Variants in FIBCD1 observed in about 807,000 individuals in gnomAD.
FIBCD1 encodes the protein fibrinogen C domain-containing protein 1.
FIBCD1 carries 47 observed loss-of-function variants against 45.1 expected under a neutral mutation model. That is an observed-to-expected ratio of 1.04 (90% CI 0.82 to 1.33). FIBCD1 has a LOEUF of 1.33. FIBCD1 is among the 40% of genes most tolerant of loss of function. The pLI, the probability that FIBCD1 is intolerant of heterozygous loss-of-function variation, is 0.00. For missense variants in FIBCD1, 653 were observed against 682.2 expected (o/e 0.96, Z 0.48); for synonymous variants, 313 against 308.1 (o/e 1.02, Z -0.17).
intron 4 of FIBCD1, among the ~76,000 whole-genome samples, chr9:130,923,499 C>A (rs930362314): frequency 6.6e-6 from 1 of 152,168 alleles, no homozygotes; most frequent in African/African-American, 2.4e-5. Flanking sequence ...TCTCAGGGAG[C>A]CCAAGGTGGC....
chr9:130,917,425 A>G (rs1177681487), intron 4 of FIBCD1, among the ~76,000 whole-genome samples: 1 of 152,210 alleles, frequency 6.6e-6, no homozygotes, highest in Admixed American at 6.5e-5. Flanking sequence ...GGGCGGGTTC[A>G]AAGGAAGGAG....
At chr9:130,905,538 T>A in intron 5 of FIBCD1, 125 bp from the exon 6 acceptor site, 3 of 993,220 alleles carry the variant, frequency 3.0e-6, no homozygotes, top group Non-Finnish European at 2.9e-6. Flanking sequence ...ACCAAGTGCG[T>A]GCAATCAGCC....
chr9:130,915,394 A>G (rs1048863134), intron 4 of FIBCD1, among the ~76,000 whole-genome samples: 1 of 152,200 alleles, frequency 6.6e-6, no homozygotes, highest in African/African-American at 2.4e-5. Context: ...AGCCCGAATC[A>G]ACGCCCACTT....
At chr9:130,907,222 AGCG>A (rs1831944293) in intron 5 of FIBCD1, among the ~76,000 whole-genome samples, 1 of 128,322 alleles carries the variant, frequency 7.8e-6, no homozygotes, top group African/African-American at 2.9e-5. Flanking sequence ...ACAATTCATG[AGCG>A]GTGTCCCGGG....
At chr9:130,924,951 C>T (rs990943578) in intron 2 of FIBCD1, among the ~76,000 whole-genome samples, 1 of 152,284 alleles carries the variant, frequency 6.6e-6, no homozygotes, top group South Asian at 2.1e-4. Flanking sequence ...GTTCCCACAG[C>T]ACCTTCCAGG....
At chr9:130,923,395 C>G (rs1311978003) in intron 4 of FIBCD1, among the ~76,000 whole-genome samples, 1 of 152,216 alleles carries the variant, frequency 6.6e-6, no homozygotes, top group Non-Finnish European at 1.5e-5. Flanking sequence ...CACATCAGCC[C>G]TGGAACCCAC....
chr9:130,911,816 T>A lies in FIBCD1; in HGVS notation c.922A>T (p.Arg308Trp). Reference sequence around the variant, plus strand: ...CCTAGCCAGTGCTCCCCGGTGAGCCTGCCAAAGCCGTCTCGGTACGCATCC... The same window carrying A: ...CCTAGCCAGTGCTCCCCGGTGAGCCAGCCAAAGCCGTCTCGGTACGCATCC... The part of the protein sequence containing the change: ...GWDAYRDGFG[R>W]LTGEHWLGLK... Residue 308 changes from arginine (R) to tryptophan (W), a missense_variant, in exon 5 of 7, where the codon AGG (arginine) becomes TGG (tryptophan). By Grantham distance (101) the Arg-to-Trp change is moderately radical (BLOSUM62 -3). Transcript: ENST00000372338. The A allele has an allele frequency of 6.2e-7, 1 of 1,603,596 alleles. No homozygotes were observed.
At chr9:130,913,835 C>G (rs1456769769) in intron 4 of FIBCD1, among the ~76,000 whole-genome samples, 2 of 152,180 alleles carry the variant, frequency 1.3e-5, no homozygotes, top group Admixed American at 1.3e-4. Context: ...GCCCGAAGCC[C>G]CCTGGGATGC....
At position 130,904,243 on chromosome 9, in the gene FIBCD1, C is replaced by A; in HGVS notation, c.1207G>T (p.Ala403Ser). Residue 403 changes from alanine to serine, a missense_variant, in exon 7 of 7, where the codon GCC becomes TCC. Ala to Ser is a moderately conservative substitution (Grantham distance 99). Transcript: ENST00000372338. ...DSDHSENNCAAFYRGAWWYRN... is the reference protein window; with the variant it reads ...DSDHSENNCASFYRGAWWYRN... ...TACCACCAGGCACCGCGGTAGAAGG[C>A]GGCACAGTTGTTCTCTGAATGGTCG... The A allele has an allele frequency of 6.2e-7, 1 of 1,613,762 alleles. No individual in the cohort carries two copies. The highest frequency in any genetic ancestry group is 2.2e-5 in the East Asian group (1 of 44,854).
At position 130,938,548 on chromosome 9, in the gene FIBCD1, G is replaced by C; in HGVS notation, c.60C>G (p.Arg20=). ...GGAAQLEDRP[R]DKPQRPSCGY... ...CGCCCGAGCGTACCTGCGGCTTGTCGCGCGGCCGGTCCTCAAGTTGGGCAG... is the reference window on the plus strand; with the variant it reads ...CGCCCGAGCGTACCTGCGGCTTGTCCCGCGGCCGGTCCTCAAGTTGGGCAG... The change falls in exon 1 of 7, where the codon CGC becomes CGG. Residue 20 remains arginine, a synonymous_variant. Transcript: ENST00000372338. The C allele has an allele frequency of 6.7e-7, 1 of 1,490,146 alleles. No individual in the cohort carries two copies. The highest frequency in any genetic ancestry group is 8.9e-7 in the Non-Finnish European group (1 of 1,125,632). 92.3% of individuals were successfully genotyped at this position (1,490,146 alleles called of 1,614,324 possible).
intron 5 of FIBCD1, among the ~76,000 whole-genome samples, chr9:130,908,929 C>G (rs1490161261): frequency 6.6e-6 from 1 of 152,096 alleles, no homozygotes; most frequent in Non-Finnish European, 1.5e-5. Flanking sequence ...GCCTCACCAC[C>G]CCAACCCTGC....
chr9:130,923,482 C>G (rs944396411), intron 4 of FIBCD1, among the ~76,000 whole-genome samples: 3 of 152,158 alleles, frequency 2.0e-5, no homozygotes, highest in Non-Finnish European at 4.4e-5. Flanking sequence ...AGAGCCACAG[C>G]TGGGGATCTC....
chr9:130,911,409 C>T (rs927640041), intron 5 of FIBCD1, among the ~76,000 whole-genome samples: 1 of 152,182 alleles, frequency 6.6e-6, no homozygotes, highest in African/African-American at 2.4e-5. Flanking sequence ...TCCCTGGCAC[C>T]CTTGGGCAGG....
chr9:130,904,062 G>A lies in FIBCD1; in HGVS notation c.*2C>T, dbSNP rs1831880936. The A allele has an allele frequency of 1.2e-6, 2 of 1,611,708 alleles. No individual in the cohort carries two copies. Among genetic ancestry groups the A allele is most frequent in the Non-Finnish European group, 8.5e-7 (1 of 1,179,510 alleles). On this transcript the variant is annotated 3_prime_UTR_variant, in exon 7 of 7. Transcript: ENST00000372338. ...GCAGGGCCAAGGACAAGGTGCACCAGTCTAGCGGTCCTCCCGGACCGGCCG... is the reference window on the plus strand; with the variant it reads ...GCAGGGCCAAGGACAAGGTGCACCAATCTAGCGGTCCTCCCGGACCGGCCG...
rs199596206 is a variant in FIBCD1, at chr9:130,924,305, C to G, written c.644G>C (p.Arg215Pro). 2.5e-6 allele frequency: 4 copies of G among 1,604,696 alleles called. No individual in the cohort carries two copies. The highest frequency in any genetic ancestry group is 3.4e-6 in the Non-Finnish European group (4 of 1,177,122). ...CTGAAGGTCGGCCTTGTTGCGGGGC[C>G]GGCCCAGCCCCCGGTCCCTCTGCAG... ...DALQRDRGLG[R>P]PRNKADLQRA... Residue 215 changes from arginine (R) to proline (P), a missense_variant, in exon 3 of 7, where the codon CGG becomes CCG. Transcript: ENST00000372338.
At chr9:130,911,731 C>A in intron 5 of FIBCD1, 61 bp downstream of exon 5, 1 of 1,474,344 alleles carries the variant, frequency 6.8e-7, no homozygotes, top group Non-Finnish European at 9.3e-7. Context: ...TGGGACCCAA[C>A]TGTGTCCGGA....
rs1268495507 is a variant in FIBCD1 at position 130,929,460 on chromosome 9, C to A, written c.552+107G>T. 4 of 1,388,310 alleles carry A rather than the reference C, an allele frequency of 2.9e-6. No individual in the cohort carries two copies. In the East Asian group the frequency reaches 1.0e-4, roughly 35 times the overall value. The allele number at this position is 1,388,310 out of a possible 1,614,324, so 86.0% of individuals were successfully genotyped here. On this transcript the variant is annotated intron_variant, in intron 2 of 6. Coordinates refer to ENST00000372338, the MANE Select transcript of FIBCD1 (RefSeq NM_032843.5). ...AACAGCAGTAGCCCCTTGTCTGGGGCCTTGGGGATTAAGTGAGGCCATGGA... is the reference window on the plus strand; with the variant it reads ...AACAGCAGTAGCCCCTTGTCTGGGGACTTGGGGATTAAGTGAGGCCATGGA...
chr9:130,938,673 T>TGGGCGC lies in FIBCD1; in HGVS notation c.-72_-67dup, dbSNP rs879274333. The TGGGCGC allele has an allele frequency of 8.6e-5, 97 of 1,124,692 alleles. No individual in the cohort carries two copies. The highest frequency in any genetic ancestry group is 8.4e-4 in the East Asian group (23 of 27,356). 69.7% of individuals were successfully genotyped at this position (1,124,692 alleles called of 1,614,324 possible). ...GCTGCGGAGCGCAAAGGAGACGGGG[T>TGGGCGC]GGGCGCGGGCGCGGGCGCGGGGCGC... On this transcript the variant is annotated 5_prime_UTR_variant, in exon 1 of 7. Coordinates refer to ENST00000372338, the MANE Select transcript of FIBCD1 (RefSeq NM_032843.5).
chr9:130,911,807 C>T lies in FIBCD1; in HGVS notation c.931G>A (p.Gly311Arg), dbSNP rs371263618. The T allele has an allele frequency of 5.1e-5, 82 of 1,602,468 alleles. No homozygotes were observed. Among genetic ancestry groups the T allele is most frequent in the African/African-American group, 2.8e-4 (21 of 74,418 alleles). ...GGGTGCTCACCTAGCCAGTGCTCCC[C>T]GGTGAGCCTGCCAAAGCCGTCTCGG... ...AYRDGFGRLT[G>R]EHWLGLKRIH... The change falls in exon 5 of 7, where the codon GGG becomes AGG. Residue 311 changes from glycine (G) to arginine (R), a missense_variant. Transcript: ENST00000372338.
Sources: allele counts gnomAD v4.1 joint callset (sites outside exome capture counted in the v4.1 genomes callset), GRCh38; gene constraint gnomAD v4.1.1; transcripts MANE v1.5; gene names NCBI Gene and HGNC (gene_info 2026-07-23, HGNC 2026-07-21).